The following ERCC6 variants were observed in gnomAD, a reference collection of about 807,000 sequenced individuals.
The protein encoded by ERCC6 is ERCC excision repair 6, chromatin remodeling factor, also known as DNA excision repair protein ERCC-6.
A neutral mutation model predicts 158.7 loss-of-function variants in ERCC6; 116 were observed. The ratio of observed to expected loss-of-function variants is 0.73; its 90% CI spans 0.63 to 0.85. The LOEUF (loss-of-function observed/expected upper bound fraction) is 0.85, where lower values mean the gene tolerates loss of function less well. Ranked by LOEUF, ERCC6 falls within the 40% of genes least tolerant of loss-of-function variation. The probability of loss-of-function intolerance (pLI) is 0.00; values close to 1 mark genes in which losing one functional copy is unlikely to be tolerated. For synonymous variants in ERCC6, 678 were observed against 659.3 expected (o/e 1.03, Z -0.43); for missense variants, 1,698 against 1,799.4 (o/e 0.94, Z 1.02).
At chr10:49,474,985 T>C (rs1850849992) in intron 12 of ERCC6, among the ~76,000 whole-genome samples, 1 of 152,122 alleles carries the variant, frequency 6.6e-6, no homozygotes. Flanking sequence ...AATCAAAGGG[T>C]AGGGTAGCTA....
intron 16 of ERCC6, among the ~76,000 whole-genome samples, chr10:49,471,916 CAG>C (rs1241054860): frequency 1.3e-5 from 2 of 152,336 alleles, no homozygotes; most frequent in Non-Finnish European, 2.9e-5. Context: ...TATGGAAAGA[CAG>C]AGGACGAAAC....
intron 5 of ERCC6, chr10:49,515,073 A>G (rs1418431543): frequency 4.9e-6 from 3 of 615,156 alleles, no homozygotes; most frequent in Non-Finnish European, 6.9e-6. Flanking sequence ...CAGCTTTGTT[A>G]TTTAAAAGAA....
intron 5 of ERCC6, among the ~76,000 whole-genome samples, chr10:49,507,158 T>C (rs1159586716): frequency 1.3e-5 from 2 of 152,174 alleles, no homozygotes; most frequent in African/African-American, 4.8e-5. Context: ...AATGCTAGTA[T>C]GTAGGTAGCT....
Position 49,493,252 on chromosome 10 carries a change from C to A in ERCC6, c.1686G>T (p.Arg562Ser). The A allele has an allele frequency of 1.9e-6, 3 of 1,614,086 alleles. No homozygotes were observed. Among genetic ancestry groups the A allele is most frequent in the Non-Finnish European group, 2.5e-6 (3 of 1,180,014 alleles). The change falls in exon 8 of 21, where the codon AGG becomes AGT. Residue 562 changes from arginine (R) to serine (S), a missense_variant and splice_region_variant. Transcript: ENST00000355832. ...SKIRTRGSNY[R>S]FEGLGPTVIV... ...TTACAGTTGGACCCAACCCCTCAAA[C>A]CTGCATCCAAACGTCCAAGAAGAAA...
the ERCC6 span, among the ~76,000 whole-genome samples, chr10:49,441,902 A>G: frequency 6.6e-6 from 1 of 152,210 alleles, no homozygotes; most frequent in South Asian, 2.1e-4. Flanking sequence ...AGGCGGGAGA[A>G]AGTGTGCTTT....
the ERCC6 span, among the ~76,000 whole-genome samples, chr10:49,442,578 ATACAG>A: frequency 1.2e-4 from 18 of 152,224 alleles, no homozygotes; most frequent in East Asian, 5.8e-4. Context: ...GCACAAAACA[ATACAG>A]TAATCTCCGT....
rs1375675747 is a variant in ERCC6 at position 49,456,183 on chromosome 10, A to G, written c.*2632T>C. On this transcript the variant is annotated 3_prime_UTR_variant, in exon 21 of 21. Coordinates refer to ENST00000355832, the MANE Select transcript of ERCC6 (RefSeq NM_000124.4). ...AGTCAGTATTTTATTTTACTCTTAA[A>G]TAACAGGTCAAAGGAGAGCAGTTCA... The G allele has an allele frequency of 6.6e-6, 1 of 152,212 alleles. No homozygotes were observed. The highest frequency in any genetic ancestry group is 6.5e-5 in the Admixed American group (1 of 15,286). The allele number at this position is 152,212 out of a possible 1,614,324, so 9.4% of individuals were successfully genotyped here. A position where few individuals can be genotyped will look rare whatever the true frequency, so the allele number is the denominator to read the frequency against.
At chr10:49,484,496 T>G (rs1027209583) in intron 8 of ERCC6, among the ~76,000 whole-genome samples, 1 of 151,982 alleles carries the variant, frequency 6.6e-6, no homozygotes, top group African/African-American at 2.4e-5. Context: ...TCTCAGCACT[T>G]TGGGAGGCTG....
rs369244603 is a variant in ERCC6 at position 49,456,148 on chromosome 10, A to G, written c.*2667T>C. On this transcript the variant is annotated 3_prime_UTR_variant, in exon 21 of 21. Coordinates refer to ENST00000355832, the MANE Select transcript of ERCC6 (RefSeq NM_000124.4). ...GCTATAATAGACTTCAAAAGACAGT[A>G]GCTTAAGCAAGTCAGTATTTTATTT... 13 of 152,362 alleles carry G rather than the reference A, an allele frequency of 8.5e-5. No individual in the cohort carries two copies. The East Asian group carries it at 1.9e-3, about 23-fold the overall frequency. The allele number at this position is 152,362 out of a possible 1,614,324, so 9.4% of individuals were successfully genotyped here.
At chr10:49,436,972 C>G in the ERCC6 span, among the ~76,000 whole-genome samples, 5 of 152,192 alleles carry the variant, frequency 3.3e-5, no homozygotes, top group African/African-American at 1.2e-4. Context: ...TGTGTCCCCA[C>G]CAAATTTCAT....
downstream of ERCC6, among the ~76,000 whole-genome samples, chr10:49,453,719 A>C (rs560226808): frequency 6.6e-6 from 1 of 152,096 alleles, no homozygotes. Context: ...AAAGTATTTC[A>C]CTTATATTTT....
intron 19 of ERCC6, 128 bp from the exon 20 acceptor site, chr10:49,460,579 T>C (rs1850564397): frequency 4.1e-6 from 3 of 725,150 alleles, no homozygotes; most frequent in Non-Finnish European, 7.3e-6. Flanking sequence ...TTCACAGCCA[T>C]GCCATTTCTG....
At chr10:49,470,941 TGA>T (rs1427610082) in intron 17 of ERCC6, 32 bp downstream of exon 17, 5 of 1,613,632 alleles carry the variant, frequency 3.1e-6, no homozygotes, top group Non-Finnish European at 4.2e-6. Flanking sequence ...CTTGTGCAAT[TGA>T]TTACTTTAAA....
intron 5 of ERCC6, among the ~76,000 whole-genome samples, chr10:49,510,865 T>C (rs1360011772): frequency 1.3e-5 from 2 of 151,822 alleles, no homozygotes; most frequent in Middle Eastern, 3.2e-3. Flanking sequence ...CTTGCTGCAT[T>C]TCCTACTCCT....
intron 7 of ERCC6, among the ~76,000 whole-genome samples, chr10:49,498,786 G>A (rs1164845333): frequency 6.6e-6 from 1 of 152,178 alleles, no homozygotes; most frequent in African/African-American, 2.4e-5. Flanking sequence ...CTGCAGGGAT[G>A]ACTTTAGTTC....
At chr10:49,492,428 G>T (rs1315648393) in intron 8 of ERCC6, among the ~76,000 whole-genome samples, 1 of 152,162 alleles carries the variant, frequency 6.6e-6, no homozygotes, top group Non-Finnish European at 1.5e-5. Flanking sequence ...ATGCTTATGG[G>T]TCACCCGGGA....
At chr10:49,519,461 C>T (rs1325753820) in intron 5 of ERCC6, among the ~76,000 whole-genome samples, 1 of 152,154 alleles carries the variant, frequency 6.6e-6, no homozygotes, top group Non-Finnish European at 1.5e-5. Flanking sequence ...AGGGACTCAT[C>T]AGAAGTGCTG....
At chr10:49,460,298 A>T in intron 20 of ERCC6, 75 bp downstream of exon 20, 1 of 1,042,730 alleles carries the variant, frequency 9.6e-7, no homozygotes, top group Non-Finnish European at 1.5e-6. Context: ...CTTCACATCC[A>T]GAATCAGGTG....
In ERCC6 at chr10:49,532,775, C is replaced by T; in HGVS notation, c.190G>A (p.Ala64Thr). ...AGGGCTGGCCCTCTCCTCGGAGCTG[C>T]TGATGCGCACCCCACAGCAGAGGTG... Reference protein sequence around the residue: ...LSTSAVGCASAAPRRGPALLH... With the variant: ...LSTSAVGCASTAPRRGPALLH... The change falls in exon 2 of 21, where the codon GCA (alanine) becomes ACA (threonine). Residue 64 changes from alanine to threonine, a missense_variant. Ala to Thr is a moderately conservative substitution (Grantham distance 58). Transcript: ENST00000355832. 6.2e-7 allele frequency: 1 copy of T among 1,614,236 alleles called. No homozygotes were observed. Among genetic ancestry groups the T allele is most frequent in the East Asian group, 2.2e-5 (1 of 44,882 alleles).
Sources: allele counts gnomAD v4.1 joint callset (sites outside exome capture counted in the v4.1 genomes callset), GRCh38; gene constraint gnomAD v4.1.1; transcripts MANE v1.5; gene names NCBI Gene and HGNC (gene_info 2026-07-23, HGNC 2026-07-21).